Variants in PLCL1 observed in about 807,000 individuals in gnomAD.
The protein encoded by PLCL1 is inactive phospholipase C-like protein 1.
A neutral mutation model predicts 84.4 loss-of-function variants in PLCL1; 41 were observed. The ratio of observed to expected loss-of-function variants is 0.49; its 90% confidence interval spans 0.38 to 0.63. The LOEUF is 0.63. Among genes scored for constraint, PLCL1 ranks in the 30% least tolerant of loss-of-function variants. PLCL1 has a pLI of 0.00. For synonymous variants in PLCL1, 490 were observed against 488.3 expected (o/e 1.00, Z -0.05); for missense variants, 1,206 against 1,367.8 (o/e 0.88, Z 1.87).
chr2:197,989,402 G>A (rs945614502), intron 1 of PLCL1, among the ~76,000 whole-genome samples: 9 of 152,134 alleles, frequency 5.9e-5, no homozygotes. Flanking sequence ...TCTGAGGGAT[G>A]AGGACCAGGA....
chr2:197,931,096 T>C (rs7600510), intron 1 of PLCL1, among the ~76,000 whole-genome samples: 202 of 152,148 alleles, frequency 1.3e-3, no homozygotes, highest in African/African-American at 4.3e-3. Flanking sequence ...TTAAGTTTCG[T>C]GTGGTAAATT....
intron 1 of PLCL1, among the ~76,000 whole-genome samples, chr2:197,942,577 T>A (rs1301264657): frequency 1.8e-4 from 27 of 152,252 alleles, no homozygotes; most frequent in Non-Finnish European, 4.4e-5. Context: ...TGACGAGAAC[T>A]ATGAAAGGAA....
intron 1 of PLCL1, among the ~76,000 whole-genome samples, chr2:198,032,770 A>G (rs1280451834): frequency 1.3e-5 from 2 of 152,208 alleles, no homozygotes; most frequent in African/African-American, 4.8e-5. Context: ...AAATAAGAAC[A>G]TACTACAAAG....
chr2:198,070,149 A>G lies in PLCL1; in HGVS notation c.241-13609A>G, dbSNP rs74688411. Among the ~76,000 whole-genome samples the G allele has an allele frequency of 4.9e-3, 746 of 152,262 alleles. 6 individuals are homozygous for G. Among genetic ancestry groups the G allele is most frequent in the African/African-American group, 0.017 (714 of 41,554 alleles). ...AATTTTATAATTATTAATAGTATGT[A>G]TGCTCTGAAAGGTAAAAGACCTTGT... On this transcript the variant is annotated intron_variant, in intron 1 of 5. Coordinates refer to ENST00000428675, the MANE Select transcript of PLCL1 (RefSeq NM_006226.4).
intron 1 of PLCL1, among the ~76,000 whole-genome samples, chr2:197,890,773 CAT>C (rs529371218): frequency 2.0e-4 from 28 of 140,998 alleles, no homozygotes; most frequent in South Asian, 8.8e-4. Flanking sequence ...CATATATACA[CAT>C]ATATATGTAT....
intron 5 of PLCL1, among the ~76,000 whole-genome samples, chr2:198,109,745 C>T (rs1050470944): frequency 1.3e-5 from 2 of 151,756 alleles, no homozygotes; most frequent in African/African-American, 4.8e-5. Context: ...GTGATCACAT[C>T]TATAAAACTG....
chr2:197,820,355 T>C (rs1032650375), intron 1 of PLCL1, among the ~76,000 whole-genome samples: 2 of 152,132 alleles, frequency 1.3e-5, no homozygotes, highest in African/African-American at 2.4e-5. Flanking sequence ...GAGTCATTTA[T>C]TGTGTTCCTC....
chr2:197,998,432 A>G (rs1027703800), intron 1 of PLCL1, among the ~76,000 whole-genome samples: 2 of 151,932 alleles, frequency 1.3e-5, no homozygotes, highest in Non-Finnish European at 2.9e-5. Context: ...GGAGGCAGAA[A>G]CAGTGATGGT....
chr2:197,992,407 GACAC>G (rs1160708760), intron 1 of PLCL1, among the ~76,000 whole-genome samples: 1 of 151,950 alleles, frequency 6.6e-6, no homozygotes, highest in Non-Finnish European at 1.5e-5. Flanking sequence ...TGGGACCACA[GACAC>G]ACACCACCAT....
chr2:197,902,060 G>A (rs1007364607), intron 1 of PLCL1, among the ~76,000 whole-genome samples: 1 of 152,106 alleles, frequency 6.6e-6, no homozygotes, highest in East Asian at 1.9e-4. Flanking sequence ...GAAAAAAGGA[G>A]ATTTGTTGCT....
chr2:197,840,790 C>T (rs1054088140), intron 1 of PLCL1, among the ~76,000 whole-genome samples: 2 of 152,152 alleles, frequency 1.3e-5, no homozygotes, highest in African/African-American at 4.8e-5. Context: ...CCCTAGCTTC[C>T]TTTATAGTCC....
chr2:197,894,427 C>A lies in PLCL1; in HGVS notation c.240+89088C>A, dbSNP rs78127617. On this transcript the variant is annotated intron_variant, in intron 1 of 5. Coordinates refer to ENST00000428675, the MANE Select transcript of PLCL1 (RefSeq NM_006226.4). ...GTGCTAGGCAGCTCTTTTCTGCTCA[C>A]TTCTGGGGAAAGTCAAATTTAAAGA... Among the ~76,000 whole-genome samples the A allele has an allele frequency of 6.9e-3, 1,046 of 152,088 alleles. 19 individuals are homozygous for A. The highest frequency in any genetic ancestry group is 0.024 in the African/African-American group (980 of 41,556).
At chr2:198,025,789 C>A (rs1032137924) in intron 1 of PLCL1, among the ~76,000 whole-genome samples, 3 of 152,076 alleles carry the variant, frequency 2.0e-5, no homozygotes, top group African/African-American at 7.2e-5. Flanking sequence ...CATGGAGAAC[C>A]CAGATCAAAG....
intron 1 of PLCL1, among the ~76,000 whole-genome samples, chr2:198,046,397 G>A (rs1691792235): frequency 6.6e-6 from 1 of 152,174 alleles, no homozygotes; most frequent in Non-Finnish European, 1.5e-5. Flanking sequence ...TGGCCGAATA[G>A]GAACAGCTCC....
chr2:198,088,357 T>G (rs1397801911), intron 2 of PLCL1, among the ~76,000 whole-genome samples: 1 of 152,194 alleles, frequency 6.6e-6, no homozygotes, highest in Non-Finnish European at 1.5e-5. Context: ...TTCAAATGAA[T>G]TTTTTGAAAA....
intron 1 of PLCL1, among the ~76,000 whole-genome samples, chr2:197,987,071 G>T (rs533090349): frequency 6.6e-6 from 1 of 152,010 alleles, no homozygotes; most frequent in Middle Eastern, 3.2e-3. Flanking sequence ...TTAACTCTCC[G>T]CCAAGTTTAC....
intron 1 of PLCL1, among the ~76,000 whole-genome samples, chr2:197,894,144 A>G (rs1865586): frequency 0.72 from 109,919 of 151,682 alleles, 41,213 homozygotes; most frequent in African/African-American, 0.9. Context: ...GGTACATGTC[A>G]TCTTGTCTAT....
chr2:197,887,236 G>A lies in PLCL1; in HGVS notation c.240+81897G>A, dbSNP rs1687939121. Among the ~76,000 whole-genome samples, 3 of 152,036 alleles carry A rather than the reference G, an allele frequency of 2.0e-5. No individual in the cohort carries two copies. The South Asian group carries it at 6.2e-4, about 32-fold the overall frequency. ...CAATATATTCTGCTTTTTAAAAAAAGCATACTGTTTTACATTGGAGTGTAG... is the reference window on the plus strand; with the variant it reads ...CAATATATTCTGCTTTTTAAAAAAAACATACTGTTTTACATTGGAGTGTAG... On this transcript the variant is annotated intron_variant, in intron 1 of 5. Transcript: ENST00000428675.
chr2:197,850,041 C>G (rs143540360), intron 1 of PLCL1, among the ~76,000 whole-genome samples: 8 of 125,846 alleles, frequency 6.4e-5, no homozygotes, highest in East Asian at 2.0e-4. Flanking sequence ...GACACACACA[C>G]ACACACACAC....
Sources: gnomAD v4.1 joint callset for allele counts (sites outside exome capture counted in the v4.1 genomes callset) on GRCh38, gnomAD v4.1.1 for gene constraint, MANE v1.5 for transcripts, NCBI Gene and HGNC (gene_info 2026-07-23, HGNC 2026-07-21) for gene names.